Variants in UGT2B4 observed in about 807,000 individuals in gnomAD.
UGT2B4 encodes the protein UDP glucuronosyltransferase family 2 member B4.
A neutral mutation model predicts 49.8 loss-of-function variants in UGT2B4; 49 were observed. That is an observed-to-expected ratio of 0.98 (90% CI 0.78 to 1.25). The LOEUF is 1.25. Ranked by LOEUF, UGT2B4 falls within the 50% of genes most tolerant of loss-of-function variation. The probability of loss-of-function intolerance (pLI) is 0.00; values close to 1 mark genes in which losing one functional copy is unlikely to be tolerated. For synonymous variants in UGT2B4, 246 were observed against 217.7 expected, an observed-to-expected ratio of 1.13 and a Z score of -1.14; for missense variants, 729 against 627.7, an observed-to-expected ratio of 1.16 and a Z score of -1.73.
intron 1 of UGT2B4, among the ~76,000 whole-genome samples, chr4:69,522,044 G>A (rs1475582080): frequency 6.6e-6 from 1 of 152,246 alleles, no homozygotes; most frequent in East Asian, 1.9e-4. Flanking sequence ...ATGTGTTCCT[G>A]AGGAAAACAT....
At chr4:69,506,461 G>T (rs1286757512) in intron 1 of UGT2B4, among the ~76,000 whole-genome samples, 1 of 151,920 alleles carries the variant, frequency 6.6e-6, no homozygotes, top group Admixed American at 6.6e-5. Context: ...CTATGCACAA[G>T]AACTACAAAA....
At chr4:69,486,530 T>TA in intron 4 of UGT2B4, 79 bp downstream of exon 4, 1 of 961,444 alleles carries the variant, frequency 1.0e-6, no homozygotes, top group South Asian at 2.2e-5. Context: ...AAATGTTCAG[T>TA]AAGCTTGTTT....
chr4:69,503,092 A>G (rs1361904491), intron 1 of UGT2B4, among the ~76,000 whole-genome samples: 2 of 152,194 alleles, frequency 1.3e-5, no homozygotes, highest in African/African-American at 4.8e-5. Context: ...ATCAAAGGCC[A>G]TCTCTTTAGG....
rs924813698 is a variant in UGT2B4 at position 69,525,836 on chromosome 4, T to C, written c.-255A>G. On this transcript the variant is annotated 5_prime_UTR_variant, in exon 1 of 2. Coordinates refer to the UGT2B4 transcript ENST00000510114. Reference sequence around the variant, plus strand: ...AGGGCTCCAGGCTGGGCGAGGTGGCTCACACCGTTAATCCCAGCACTTTGG... The same window carrying C: ...AGGGCTCCAGGCTGGGCGAGGTGGCCCACACCGTTAATCCCAGCACTTTGG... The C allele has an allele frequency of 8.9e-6, 7 of 787,310 alleles. No individual in the cohort carries two copies. In the African/African-American group the frequency reaches 1.1e-4, roughly 13 times the overall value. 48.8% of individuals were successfully genotyped at this position (787,310 alleles called of 1,614,324 possible).
chr4:69,502,138 T>TTTCTTTCTTTC (rs1728351453), intron 1 of UGT2B4, among the ~76,000 whole-genome samples: 5 of 138,214 alleles, frequency 3.6e-5, no homozygotes, highest in East Asian at 4.2e-4. Context: ...TCTTTCTTTC[T>TTTCTTTCTTTC]TTCTTTCTTT....
At chr4:69,516,982 T>A (rs1728750208) in intron 1 of UGT2B4, among the ~76,000 whole-genome samples, 2 of 152,132 alleles carry the variant, frequency 1.3e-5, no homozygotes, top group South Asian at 4.1e-4. Context: ...TTGTTTTTCT[T>A]GAAAATTGCT....
At chr4:69,508,531 G>C (rs1241311833) in intron 1 of UGT2B4, among the ~76,000 whole-genome samples, 2 of 152,182 alleles carry the variant, frequency 1.3e-5, no homozygotes. Flanking sequence ...AGGAAAAAAA[G>C]AATGAGATTA....
Position 69,486,627 on chromosome 4 carries a change from G to A in UGT2B4, c.1072C>T (p.Pro358Ser), listed in dbSNP as rs572335308. The change falls in exon 4 of 6, where the codon CCC becomes TCC. Residue 358 changes from proline to serine, a missense_variant. Physicochemically the swap from Pro to Ser is moderately conservative, Grantham distance 74 (BLOSUM62 -1). Coordinates refer to ENST00000305107, the MANE Select transcript of UGT2B4 (RefSeq NM_021139.3). ...GLNTRLYKWI[P>S]QNDLLGHPKT... ...GACTTACCAAGAAGATCATTCTGGG[G>A]TATCCACTTGTACAGCCGAGTATTG... The A allele has an allele frequency of 1.2e-6, 2 of 1,604,164 alleles. No individual in the cohort carries two copies. The highest frequency in any genetic ancestry group is 8.5e-7 in the Non-Finnish European group (1 of 1,176,456).
At chr4:69,483,236 C>CATA (rs3075630) in intron 5 of UGT2B4, among the ~76,000 whole-genome samples, 4,613 of 152,130 alleles carry the variant, frequency 0.03, 214 homozygotes, top group African/African-American at 0.1. Context: ...ATCTTATACT[C>CATA]TTTATGATAT....
At chr4:69,511,228 G>A (rs1257113305) in intron 1 of UGT2B4, among the ~76,000 whole-genome samples, 1 of 152,000 alleles carries the variant, frequency 6.6e-6, no homozygotes, top group Non-Finnish European at 1.5e-5. Context: ...GAACTCAGGT[G>A]ATCCACCCGT....
intron 4 of UGT2B4, among the ~76,000 whole-genome samples, chr4:69,485,644 T>G (rs1357718902): frequency 6.6e-6 from 1 of 152,054 alleles, no homozygotes; most frequent in African/African-American, 2.4e-5. Context: ...TAATACAAGA[T>G]TACCAGTTGA....
upstream of UGT2B4, among the ~76,000 whole-genome samples, chr4:69,500,057 A>G (rs142086383): frequency 1.9e-3 from 283 of 152,368 alleles, 3 homozygotes; most frequent in Non-Finnish European, 2.4e-3. Context: ...GTGGAATACT[A>G]TGAAGACATA....
chr4:69,493,965 T>A lies in UGT2B4; in HGVS notation c.722-124A>T, dbSNP rs537574567. 105 of 1,065,044 alleles carry A rather than the reference T, an allele frequency of 9.9e-5. 1 individual carries two copies. The South Asian group carries it at 1.6e-3, about 17-fold the overall frequency. The allele number at this position is 1,065,044 out of a possible 1,614,324, so 66.0% of individuals were successfully genotyped here. A position where few individuals can be genotyped will look rare whatever the true frequency, so the allele number is the denominator to read the frequency against. The stretch of plus-strand genomic sequence containing the variant: ...AAAGTGTTTGTGCCTTGAAAAAAAA[T>A]ACATATATTCGTATATAGGCATAAT... On this transcript the variant is annotated intron_variant, in intron 1 of 5. Coordinates refer to ENST00000305107, the MANE Select transcript of UGT2B4 (RefSeq NM_021139.3).
chr4:69,510,983 TTTTCTTC>T (rs1394417654), intron 1 of UGT2B4, among the ~76,000 whole-genome samples: 2 of 90,044 alleles, frequency 2.2e-5, no homozygotes, highest in Admixed American at 1.3e-4. Flanking sequence ...CTTTCTTTTC[TTTTCTTC>T]TTTTTTTTTT....
intron 3 of UGT2B4, among the ~76,000 whole-genome samples, chr4:69,487,140 T>C (rs1727812862): frequency 6.6e-6 from 1 of 152,208 alleles, no homozygotes; most frequent in Non-Finnish European, 1.5e-5. Context: ...TTGAAGGGAC[T>C]GTAAGTTCAA....
chr4:69,501,494 G>C (rs2642872), intron 1 of UGT2B4, among the ~76,000 whole-genome samples: 8 of 151,912 alleles, frequency 5.3e-5, no homozygotes, highest in African/African-American at 1.9e-4. Context: ...TTTCAACTTG[G>C]AGGCTTTGAA....
At chr4:69,502,146 T>TTTCTTTCTTTC (rs1193165211) in intron 1 of UGT2B4, among the ~76,000 whole-genome samples, 4 of 132,282 alleles carry the variant, frequency 3.0e-5, no homozygotes, top group African/African-American at 8.9e-5. Context: ...TCTTTCTTTC[T>TTTCTTTCTTTC]TTCTCTTTCT....
intron 2 of UGT2B4, among the ~76,000 whole-genome samples, chr4:69,492,436 G>A (rs1728017157): frequency 2.0e-5 from 3 of 152,038 alleles, no homozygotes; most frequent in Admixed American, 1.3e-4. Context: ...TACTGATGAA[G>A]ATCCTTGTCA....
At chr4:69,485,846 C>A (rs764965313) in intron 4 of UGT2B4, among the ~76,000 whole-genome samples, 1 of 152,140 alleles carries the variant, frequency 6.6e-6, no homozygotes, top group Non-Finnish European at 1.5e-5. Context: ...ACTGCAACCT[C>A]CATCTCCTGG....
Sources: allele counts gnomAD v4.1 joint callset (sites outside exome capture counted in the v4.1 genomes callset), GRCh38; gene constraint gnomAD v4.1.1; transcripts MANE v1.5; gene names NCBI Gene and HGNC (gene_info 2026-07-23, HGNC 2026-07-21).